The following FBXL13 variants were observed in gnomAD, a reference collection of about 807,000 sequenced individuals.
FBXL13 encodes the protein F-box and leucine rich repeat protein 13.
In FBXL13, 67 loss-of-function variants were observed where a neutral mutation model predicts 83.6. The observed-to-expected ratio is 0.80, with a 90% CI of 0.66 to 0.98. The LOEUF (loss-of-function observed/expected upper bound fraction) is 0.98, where lower values mean the gene tolerates loss of function less well. Among genes scored for constraint, FBXL13 ranks in the 50% least tolerant of loss-of-function variants. The pLI is 0.00. For synonymous variants in FBXL13, 272 were observed against 299.5 expected, an observed-to-expected ratio of 0.91 and a Z score of 0.95; for missense variants, 822 against 866.5, an observed-to-expected ratio of 0.95 and a Z score of 0.64.
At chr7:102,853,393 G>A (rs937579169) in intron 17 of FBXL13, among the ~76,000 whole-genome samples, 2 of 152,094 alleles carry the variant, frequency 1.3e-5, no homozygotes, top group Non-Finnish European at 2.9e-5. Flanking sequence ...AGACTTAAAC[G>A]TTAGACCTAA....
At chr7:102,979,365 C>T (rs1215346196) in intron 6 of FBXL13, among the ~76,000 whole-genome samples, 2 of 152,188 alleles carry the variant, frequency 1.3e-5, no homozygotes, top group African/African-American at 2.4e-5. Flanking sequence ...TTGCCTCTCT[C>T]TTTTACTTAT....
intron 6 of FBXL13, among the ~76,000 whole-genome samples, chr7:102,994,696 C>T (rs766265195): frequency 1.3e-5 from 2 of 152,190 alleles, no homozygotes; most frequent in Non-Finnish European, 2.9e-5. Context: ...TCCTCTTATG[C>T]AAATACAGAA....
rs371289543 is a variant in FBXL13 at position 102,813,563 on chromosome 7, G to A, written c.2019-32C>T. On this transcript the variant is annotated intron_variant, in intron 19 of 19. Coordinates refer to ENST00000313221, the Ensembl canonical transcript of FBXL13. ...TAACAGTGCTTAGCATTAGCTAGTT[G>A]CAGAAGTAACCCCTAGTGCAAAATT... The A allele has an allele frequency of 5.0e-6, 8 of 1,598,624 alleles. No individual in the cohort carries two copies. In the South Asian group the frequency reaches 9.0e-5, roughly 18 times the overall value.
chr7:102,991,650 A>G (rs1021824176), intron 6 of FBXL13, among the ~76,000 whole-genome samples: 3 of 152,216 alleles, frequency 2.0e-5, no homozygotes, highest in African/African-American at 7.2e-5. Context: ...TTGTAGTGCA[A>G]TAAAAGGAGG....
chr7:102,952,810 C>A (rs1419096936), intron 8 of FBXL13, among the ~76,000 whole-genome samples: 1 of 152,048 alleles, frequency 6.6e-6, no homozygotes, highest in Non-Finnish European at 1.5e-5. Context: ...ATGGCAAAAC[C>A]CCGTCTCTAC....
At chr7:103,023,786 T>C (rs565924751) in intron 6 of FBXL13, among the ~76,000 whole-genome samples, 1 of 152,294 alleles carries the variant, frequency 6.6e-6, no homozygotes, top group South Asian at 2.1e-4. Flanking sequence ...TGAAATACTA[T>C]GCAGCCATAA....
intron 19 of FBXL13, among the ~76,000 whole-genome samples, chr7:102,818,548 G>A (rs1430029196): frequency 6.6e-6 from 1 of 152,166 alleles, no homozygotes; most frequent in East Asian, 1.9e-4. Flanking sequence ...ATGAGCTAGA[G>A]AGGAGAACTC....
chr7:102,934,571 T>C (rs36040681), intron 8 of FBXL13: 14 of 1,613,994 alleles, frequency 8.7e-6, no homozygotes, highest in Middle Eastern at 1.6e-4. Flanking sequence ...AAAGGAACAA[T>C]TGGACCCGAA....
At chr7:102,959,801 T>A (rs1824886707) in intron 8 of FBXL13, among the ~76,000 whole-genome samples, 1 of 152,044 alleles carries the variant, frequency 6.6e-6, no homozygotes, top group Non-Finnish European at 1.5e-5. Flanking sequence ...GGAAATAATC[T>A]CAATGTCCAT....
intron 16 of FBXL13, 61 bp downstream of exon 17, chr7:102,877,406 T>G (rs963756287): frequency 1.5e-6 from 2 of 1,322,052 alleles, no homozygotes; most frequent in African/African-American, 3.1e-5. Context: ...ATTTACAAAA[T>G]AGCAAATAAT....
chr7:102,967,116 C>T (rs993587743), intron 7 of FBXL13, among the ~76,000 whole-genome samples: 1 of 151,940 alleles, frequency 6.6e-6, no homozygotes, highest in Non-Finnish European at 1.5e-5. Context: ...ACTACAGGCG[C>T]ACGCTACCAT....
chr7:102,921,517 T>C (rs1423333326), intron 10 of FBXL13, among the ~76,000 whole-genome samples: 2 of 151,454 alleles, frequency 1.3e-5, no homozygotes, highest in African/African-American at 2.4e-5. Context: ...CTGTCTCTAC[T>C]AAAAATACAA....
At chr7:103,025,863 C>T (rs545600784) in intron 5 of FBXL13, among the ~76,000 whole-genome samples, 2 of 151,632 alleles carry the variant, frequency 1.3e-5, no homozygotes, top group Non-Finnish European at 2.9e-5. Flanking sequence ...CACAGGTGTT[C>T]CCTGCCTCTG....
exon 1 of FBXL13, chr7:103,074,451 T>C (rs1468698443): frequency 5.1e-5 from 57 of 1,126,632 alleles, no homozygotes; most frequent in Non-Finnish European, 6.2e-5. Context: ...TCATTCCCCC[T>C]GGGAGATGTC....
At chr7:102,879,614 TG>T (rs1368614943) in intron 14 of FBXL13, among the ~76,000 whole-genome samples, 2 of 152,246 alleles carry the variant, frequency 1.3e-5, no homozygotes, top group Non-Finnish European at 1.5e-5. Context: ...TTTGTTTGTT[TG>T]TTTTTTAATA....
intron 16 of FBXL13, among the ~76,000 whole-genome samples, chr7:102,863,956 G>A (rs561643531): frequency 2.3e-4 from 35 of 151,856 alleles, no homozygotes; most frequent in Middle Eastern, 3.4e-3. Context: ...CCCCTCTGCC[G>A]CCACTATCAA....
intron 8 of FBXL13, among the ~76,000 whole-genome samples, chr7:102,955,061 C>G (rs563921801): frequency 6.6e-6 from 1 of 152,154 alleles, no homozygotes; most frequent in African/African-American, 2.4e-5. Flanking sequence ...AACTACAGAA[C>G]TCTCCATCCC....
chr7:102,854,750 T>G, intron 17 of FBXL13, 27 bp downstream of exon 18: 1 of 1,374,028 alleles, frequency 7.3e-7, no homozygotes, highest in South Asian at 1.4e-5. Flanking sequence ...ATCTTAATTC[T>G]TTAACAGATG....
intron 11 of FBXL13, 29 bp downstream of exon 12, chr7:102,913,057 C>A: frequency 6.2e-7 from 1 of 1,613,814 alleles, no homozygotes; most frequent in Non-Finnish European, 8.5e-7. Flanking sequence ...CCTCACACAC[C>A]GCAGCAAAGA....
Sources: allele counts gnomAD v4.1 joint callset (sites outside exome capture counted in the v4.1 genomes callset), GRCh38; gene constraint gnomAD v4.1.1; transcripts MANE v1.5; gene names NCBI Gene and HGNC (gene_info 2026-07-23, HGNC 2026-07-21).